Variants in ZNF285 observed in about 807,000 individuals in gnomAD.
ZNF285 encodes zinc finger protein 285.
Under a neutral mutation model 6.2 loss-of-function variants are expected in ZNF285, and 4 were observed. That is an observed-to-expected ratio of 0.65 (90% CI 0.32 to 1.49). The LOEUF is 1.49. ZNF285 is among the 40% of genes most tolerant of loss of function. The pLI is 0.07. For missense variants in ZNF285, 695 were observed against 708.8 expected (o/e 0.98, Z 0.22); for synonymous variants, 240 against 245.8 (o/e 0.98, Z 0.22).
rs139710134 is a variant in ZNF285 at position 44,387,748 on chromosome 19, T to C, written c.497A>G (p.Tyr166Cys). The C allele has an allele frequency of 6.2e-7, 1 of 1,613,924 alleles. No individual in the cohort carries two copies. The highest frequency in any genetic ancestry group is 8.5e-7 in the Non-Finnish European group (1 of 1,179,864). The change falls in exon 4 of 4, where the codon TAT becomes TGT. Residue 166 changes from tyrosine to cysteine, a missense_variant. Transcript: ENST00000614994. The stretch of plus-strand genomic sequence containing the variant: ...TTTCTCTTCCATGTAAATTCCCTTA[T>C]ATCTTCCCTGAGAGTTCTGGGGCTC... Reference protein sequence around the residue: ...MTEPQNSQGRYKGIYMEEKLY... With the variant: ...MTEPQNSQGRCKGIYMEEKLY...
rs1463852227 is a variant in ZNF285, at chr19:44,387,129, A to G, written c.1116T>C (p.Tyr372=). 2 of 1,614,018 alleles carry G rather than the reference A, an allele frequency of 1.2e-6. No individual in the cohort carries two copies. The highest frequency in any genetic ancestry group is 1.7e-6 in the Non-Finnish European group (2 of 1,180,024). ...HQGVHTGKKP[Y]KCEECGKGFD... is the part of the protein sequence containing the mutation. ...AGCCCTTCCCACACTCTTCACATTT[A>G]TAGGGCTTTTTCCCTGTGTGTACTC... The change falls in exon 4 of 4, where the codon TAT becomes TAC. Residue 372 remains tyrosine, a synonymous_variant. Coordinates refer to ENST00000614994, the MANE Select transcript of ZNF285 (RefSeq NM_152354.6).
In ZNF285 at chr19:44,392,482, C is replaced by T. The variant is rs375332514; in HGVS notation, c.16-16G>A. The T allele has an allele frequency of 4.3e-6, 7 of 1,613,694 alleles. No individual in the cohort carries two copies. Among genetic ancestry groups the T allele is most frequent in the Admixed American group, 1.7e-5 (1 of 59,988 alleles). Reference sequence around the variant, plus strand: ...TCACCCTTTCCTAAAACATCAACCACATGCCACGTCAATCATCCACACAAA... The same window carrying T: ...TCACCCTTTCCTAAAACATCAACCATATGCCACGTCAATCATCCACACAAA... On this transcript the variant is annotated splice_polypyrimidine_tract_variant and intron_variant, in intron 2 of 3. Transcript: ENST00000614994.
At chr19:44,398,314 C>T (rs1599972954) in intron 1 of ZNF285, among the ~76,000 whole-genome samples, 1 of 152,168 alleles carries the variant, frequency 6.6e-6, no homozygotes, top group Non-Finnish European at 1.5e-5. Flanking sequence ...CCTTCCTGTT[C>T]TGCTTATATC....
intron 1 of ZNF285, among the ~76,000 whole-genome samples, chr19:44,399,112 G>A: frequency 1.3e-5 from 2 of 151,396 alleles, no homozygotes; most frequent in Non-Finnish European, 2.9e-5. Context: ...TCATTTATTG[G>A]CACTGGTCTG....
In ZNF285 at chr19:44,382,739, C is replaced by G. The variant is rs1415803180; in HGVS notation, c.*3733G>C. 6.6e-6 allele frequency: 1 copy of G among 152,180 alleles called. No individual in the cohort carries two copies. Among genetic ancestry groups the G allele is most frequent in the African/African-American group, 2.4e-5 (1 of 41,446 alleles). The allele number at this position is 152,180 out of a possible 1,614,324, so 9.4% of individuals were successfully genotyped here. On this transcript the variant is annotated 3_prime_UTR_variant, in exon 4 of 4. Transcript: ENST00000614994. ...CCTTCTTAAAGAGCAATTGTGAAGG[C>G]ATCCATGTTGGTGAGGGAACAAATT...
intron 2 of ZNF285, among the ~76,000 whole-genome samples, chr19:44,393,296 G>C (rs1971228331): frequency 6.6e-6 from 1 of 152,036 alleles, no homozygotes; most frequent in Non-Finnish European, 1.5e-5. Context: ...GGTGAATCTA[G>C]GTGAAGATTA....
At chr19:44,392,214 G>C in intron 3 of ZNF285, 126 bp downstream of exon 3, 2 of 1,533,148 alleles carry the variant, frequency 1.3e-6, no homozygotes, top group Non-Finnish European at 1.7e-6. Flanking sequence ...ACCTGCACAT[G>C]CATCTCTTAG....
chr19:44,393,411 G>T (rs1179583838), intron 2 of ZNF285, among the ~76,000 whole-genome samples: 2 of 152,074 alleles, frequency 1.3e-5, no homozygotes, highest in African/African-American at 2.4e-5. Flanking sequence ...TGTGTCTTTT[G>T]GCAGCACAAA....
At chr19:44,395,604 T>C (rs570131332) in intron 2 of ZNF285, among the ~76,000 whole-genome samples, 1 of 152,290 alleles carries the variant, frequency 6.6e-6, no homozygotes, top group East Asian at 1.9e-4. Context: ...ATTTCATTAG[T>C]CCATTTTTAA....
rs1971120156 is a variant in ZNF285 at position 44,387,789 on chromosome 19, T to G, written c.456A>C (p.Lys152Asn). ...TQVLTPESWR[K>N]ANIMTEPQNS... ...TCTGGGGCTCGGTCATTATGTTGGC[T>G]TTCCTCCACGATTCTGGGGTAAGAA... is the stretch of plus-strand genomic sequence containing the variant. The change falls in exon 4 of 4, where the codon AAA becomes AAC. Residue 152 changes from lysine to asparagine, a missense_variant. Coordinates refer to ENST00000614994, the MANE Select transcript of ZNF285 (RefSeq NM_152354.6). The G allele has an allele frequency of 6.2e-7, 1 of 1,613,820 alleles. No individual in the cohort carries two copies. The highest frequency in any genetic ancestry group is 1.1e-5 in the South Asian group (1 of 91,080).
intron 3 of ZNF285, among the ~76,000 whole-genome samples, chr19:44,391,506 G>A (rs2123273993): frequency 6.6e-6 from 1 of 152,202 alleles, no homozygotes; most frequent in African/African-American, 2.4e-5. Flanking sequence ...CATGGCAGAA[G>A]GTGAAGGAAG....
chr19:44,386,866 A>C lies in ZNF285; in HGVS notation c.1379T>G (p.Val460Gly). Residue 460 changes from valine (V) to glycine (G), a missense_variant, in exon 4 of 4, where the codon GTG becomes GGG. Coordinates refer to ENST00000614994, the MANE Select transcript of ZNF285 (RefSeq NM_152354.6). ...HTGEKPYKCN[V>G]CGKDFAYSSV... The stretch of plus-strand genomic sequence containing the variant: ...GCTATACGCAAAATCCTTTCCACAC[A>C]CATTGCATTTGTATGGTTTCTCCCC... 3.1e-6 allele frequency: 5 copies of C among 1,614,150 alleles called. No homozygotes were observed. Among genetic ancestry groups the C allele is most frequent in the Non-Finnish European group, 4.2e-6 (5 of 1,180,022 alleles).
chr19:44,401,361 C>G (rs959196462), intron 1 of ZNF285: 1 of 152,222 alleles, frequency 6.6e-6, no homozygotes, highest in East Asian at 1.9e-4. Context: ...AGCCCACGCT[C>G]GAGCCCACGC....
At position 44,398,116 on chromosome 19, in the gene ZNF285, A is replaced by C. The variant is rs573999264; in HGVS notation, c.-43-860T>G. Among the ~76,000 whole-genome samples, 790 of 152,230 alleles carry C rather than the reference A, an allele frequency of 5.2e-3. 7 individuals are homozygous for C. The highest frequency in any genetic ancestry group is 0.018 in the African/African-American group (757 of 41,502). On this transcript the variant is annotated intron_variant, in intron 1 of 3. Coordinates refer to ENST00000614994, the MANE Select transcript of ZNF285 (RefSeq NM_152354.6). Reference sequence around the variant, plus strand: ...ACCTTGACTCTTGGCTTCCTAAACTATCTCTCCAGCACCCATTCTATCCCC... The same window carrying C: ...ACCTTGACTCTTGGCTTCCTAAACTCTCTCTCCAGCACCCATTCTATCCCC...
chr19:44,400,554 T>C (rs949210963), intron 1 of ZNF285, among the ~76,000 whole-genome samples: 6 of 152,228 alleles, frequency 3.9e-5, no homozygotes, highest in African/African-American at 1.2e-4. Context: ...AGAATGGAGT[T>C]AATAATTTGG....
chr19:44,397,607 G>C (rs914613769), intron 1 of ZNF285, among the ~76,000 whole-genome samples: 1 of 152,130 alleles, frequency 6.6e-6, no homozygotes, highest in Non-Finnish European at 1.5e-5. Flanking sequence ...TCTCAGGGCT[G>C]GGCACAGTGG....
intron 2 of ZNF285, among the ~76,000 whole-genome samples, chr19:44,395,059 C>G (rs530006696): frequency 6.6e-6 from 1 of 152,164 alleles, no homozygotes; most frequent in Non-Finnish European, 1.5e-5. Context: ...AAACAAAACA[C>G]TCATTTCTCC....
At chr19:44,393,393 TCTC>T (rs775794441) in intron 2 of ZNF285, among the ~76,000 whole-genome samples, 80 of 152,186 alleles carry the variant, frequency 5.3e-4, no homozygotes, top group Non-Finnish European at 6.3e-4. Context: ...TTAATAACCA[TCTC>T]CTCATGTGTC....
In ZNF285 at chr19:44,399,364, T is replaced by C. The variant is rs548017056; in HGVS notation, c.-43-2108A>G. Among the ~76,000 whole-genome samples the C allele has an allele frequency of 5.1e-5, 7 of 136,562 alleles. No homozygotes were observed. The East Asian group carries it at 1.1e-3, about 22-fold the overall frequency. 89.6% of individuals were successfully genotyped at this position (136,562 alleles called of 152,430 possible). A position where few individuals can be genotyped will look rare whatever the true frequency, so the allele number is the denominator to read the frequency against. On this transcript the variant is annotated intron_variant, in intron 1 of 3. Coordinates refer to ENST00000614994, the MANE Select transcript of ZNF285 (RefSeq NM_152354.6). ...ACCTACCAAGAAAACACTCCTCCTT[T>C]CCCCTGTCAAAAAACTACAAATCCT...
Sources: gnomAD v4.1 joint callset for allele counts (sites outside exome capture counted in the v4.1 genomes callset) on GRCh38, gnomAD v4.1.1 for gene constraint, MANE v1.5 for transcripts, NCBI Gene and HGNC (gene_info 2026-07-23, HGNC 2026-07-21) for gene names.